The following GRM7 variants were observed in gnomAD, a reference collection of about 807,000 sequenced individuals.
GRM7 encodes the protein metabotropic glutamate receptor 7.
In GRM7, 35 loss-of-function variants were observed where a neutral mutation model predicts 84.5. That is an observed-to-expected ratio of 0.41 (90% confidence interval 0.32 to 0.55). The LOEUF (loss-of-function observed/expected upper bound fraction) is 0.55, where lower values mean the gene tolerates loss of function less well. Among genes scored for constraint, GRM7 ranks in the 20% least tolerant of loss-of-function variants. The pLI, the probability that GRM7 is intolerant of heterozygous loss-of-function variation, is 0.19. For missense variants in GRM7, 1,003 were observed against 1,194.6 expected, an observed-to-expected ratio of 0.84 and a Z score of 2.36; for synonymous variants, 487 against 455.1, an observed-to-expected ratio of 1.07 and a Z score of -0.89.
chr3:7,099,217 AATAAT>A (rs1698965958), intron 1 of GRM7, among the ~76,000 whole-genome samples: 2 of 148,984 alleles, frequency 1.3e-5, no homozygotes, highest in African/African-American at 4.9e-5. Flanking sequence ...TATTGCATAT[AATAAT>A]ACATGTATTA....
At chr3:7,146,186 C>T (rs1172368873) in intron 1 of GRM7, among the ~76,000 whole-genome samples, 1 of 152,052 alleles carries the variant, frequency 6.6e-6, no homozygotes, top group Non-Finnish European at 1.5e-5. Context: ...CAACCATGAC[C>T]CTGACCTTGG....
chr3:7,698,861 T>A (rs1168998861), intron 9 of GRM7, among the ~76,000 whole-genome samples: 3 of 152,154 alleles, frequency 2.0e-5, no homozygotes, highest in Non-Finnish European at 4.4e-5. Context: ...AGAACTTAGC[T>A]GTGAATATTC....
intron 1 of GRM7, among the ~76,000 whole-genome samples, chr3:6,949,857 A>C (rs577812708): frequency 6.6e-6 from 1 of 152,250 alleles, no homozygotes; most frequent in South Asian, 2.1e-4. Flanking sequence ...TCAGTTACTG[A>C]GGATTGTGCA....
chr3:7,326,731 G>C (rs1006036356), intron 4 of GRM7, among the ~76,000 whole-genome samples: 3 of 151,758 alleles, frequency 2.0e-5, no homozygotes, highest in African/African-American at 7.3e-5. Flanking sequence ...CAACTCAGGA[G>C]GCTGAGGTAG....
intron 1 of GRM7, among the ~76,000 whole-genome samples, chr3:7,100,973 T>C (rs908440036): frequency 1.7e-5 from 2 of 117,692 alleles, no homozygotes; most frequent in African/African-American, 7.8e-5. Context: ...CTTATTAATA[T>C]ACTAAAGATT....
At chr3:7,608,404 T>A (rs1422722901) in intron 8 of GRM7, among the ~76,000 whole-genome samples, 1 of 152,312 alleles carries the variant, frequency 6.6e-6, no homozygotes, top group African/African-American at 2.4e-5. Flanking sequence ...TTGACTTTTT[T>A]AATAATAGCC....
At chr3:6,920,050 A>T (rs890023197) in intron 1 of GRM7, among the ~76,000 whole-genome samples, 1 of 152,218 alleles carries the variant, frequency 6.6e-6, no homozygotes, top group East Asian at 1.9e-4. Flanking sequence ...GCTATCTTGT[A>T]TTCTTTTGCT....
At chr3:7,318,964 G>A (rs1380894736) in intron 4 of GRM7, among the ~76,000 whole-genome samples, 1 of 152,044 alleles carries the variant, frequency 6.6e-6, no homozygotes, top group African/African-American at 2.4e-5. Flanking sequence ...TTGGATTTTA[G>A]GAGGTTTTGG....
chr3:7,464,351 A>G (rs577122842), intron 7 of GRM7, among the ~76,000 whole-genome samples: 2 of 152,350 alleles, frequency 1.3e-5, no homozygotes, highest in African/African-American at 4.8e-5. Flanking sequence ...TGGGATTATT[A>G]TATATGTGAG....
At position 7,018,643 on chromosome 3, in the gene GRM7, C is replaced by T. The variant is rs140696337; in HGVS notation, c.520-127809C>T. Among the ~76,000 whole-genome samples, 37 of 152,256 alleles carry T rather than the reference C, an allele frequency of 2.4e-4. No individual in the cohort carries two copies. The East Asian group carries it at 3.7e-3, about 15-fold the overall frequency. On this transcript the variant is annotated intron_variant, in intron 1 of 9. Transcript: ENST00000357716. Reference sequence around the variant, plus strand: ...CAGCCCCAAAGCTTGGAGCTGTTAACGTGCACCTGAGGGAAGCTAGTCAGA... The same window carrying T: ...CAGCCCCAAAGCTTGGAGCTGTTAATGTGCACCTGAGGGAAGCTAGTCAGA...
At chr3:7,306,306 C>T (rs1700192577) in intron 3 of GRM7, among the ~76,000 whole-genome samples, 192 bp from the exon 4 acceptor site, 2 of 152,048 alleles carry the variant, frequency 1.3e-5, no homozygotes, top group Non-Finnish European at 2.9e-5. Context: ...GCTCTTGTTT[C>T]TGAAGATGCT....
chr3:7,092,464 A>C (rs1340905808), intron 1 of GRM7, among the ~76,000 whole-genome samples: 1 of 152,132 alleles, frequency 6.6e-6, no homozygotes, highest in Non-Finnish European at 1.5e-5. Context: ...TTTTCTACAA[A>C]ATGGTTTATT....
At chr3:7,044,568 G>A (rs546139087) in intron 1 of GRM7, among the ~76,000 whole-genome samples, 4 of 152,208 alleles carry the variant, frequency 2.6e-5, no homozygotes, top group Admixed American at 1.3e-4. Flanking sequence ...AAAGAAAGCC[G>A]CAGTGACGTT....
At chr3:7,420,173 T>C (rs1228222059) in intron 5 of GRM7, among the ~76,000 whole-genome samples, 1 of 152,172 alleles carries the variant, frequency 6.6e-6, no homozygotes, top group Non-Finnish European at 1.5e-5. Context: ...CCCAGGCTCA[T>C]TAGAGCCTAT....
chr3:7,383,594 T>A (rs947188905), intron 4 of GRM7, among the ~76,000 whole-genome samples: 4 of 152,200 alleles, frequency 2.6e-5, no homozygotes, highest in Admixed American at 2.0e-4. Flanking sequence ...TAACAAACTT[T>A]AGTATATAAC....
At chr3:7,380,008 A>T (rs1306451599) in intron 4 of GRM7, among the ~76,000 whole-genome samples, 1 of 152,086 alleles carries the variant, frequency 6.6e-6, no homozygotes, top group African/African-American at 2.4e-5. Flanking sequence ...GGTAACTTGG[A>T]TGTGTTTTTG....
intron 1 of GRM7, among the ~76,000 whole-genome samples, chr3:6,886,731 T>G (rs1695709595): frequency 1.3e-5 from 2 of 152,044 alleles, no homozygotes; most frequent in South Asian, 4.2e-4. Flanking sequence ...GTTACATATA[T>G]CATTACTCTG....
At chr3:7,259,489 T>A (rs1698328668) in intron 2 of GRM7, among the ~76,000 whole-genome samples, 1 of 152,158 alleles carries the variant, frequency 6.6e-6, no homozygotes, top group South Asian at 2.1e-4. Context: ...CCTCTTTGTG[T>A]CCATGTGTTC....
chr3:7,562,805 T>A (rs1189367962), intron 7 of GRM7, among the ~76,000 whole-genome samples: 1 of 152,128 alleles, frequency 6.6e-6, no homozygotes, highest in African/African-American at 2.4e-5. Flanking sequence ...AAGTCTTCAG[T>A]ACACTAATAC....
Sources: gnomAD v4.1 joint callset for allele counts (sites outside exome capture counted in the v4.1 genomes callset) on GRCh38, gnomAD v4.1.1 for gene constraint, MANE v1.5 for transcripts, NCBI Gene and HGNC (gene_info 2026-07-23, HGNC 2026-07-21) for gene names.